The following SLC22A2 variants were observed in gnomAD, a reference collection of about 807,000 sequenced individuals.
The protein encoded by SLC22A2 is organic cation transporter 2.
In SLC22A2, 46 loss-of-function variants were observed where a neutral mutation model predicts 60.5. The ratio of observed to expected loss-of-function variants is 0.76; its 90% confidence interval spans 0.60 to 0.97. The LOEUF is 0.97. SLC22A2 is among the 50% of genes least tolerant of loss of function. SLC22A2 has a pLI of 0.00. For synonymous variants in SLC22A2, 303 were observed against 267.0 expected (o/e 1.13, Z -1.31); for missense variants, 701 against 706.6 (o/e 0.99, Z 0.09).
At position 160,217,321 on chromosome 6, in the gene SLC22A2, C is replaced by T. The variant is rs765986378; in HGVS notation, c.*111G>A. The T allele has an allele frequency of 4.6e-6, 3 of 649,234 alleles. No homozygotes were observed. Among genetic ancestry groups the T allele is most frequent in the Middle Eastern group, 5.0e-4 (2 of 3,986 alleles). The allele number at this position is 649,234 out of a possible 1,614,324, so 40.2% of individuals were successfully genotyped here. A position where few individuals can be genotyped will look rare whatever the true frequency, so the allele number is the denominator to read the frequency against. ...GCTGTAGACCTAGGTTGATAGGGCT[C>T]AGGGGTAAGTTTGGTTGAGTTGTAT... On this transcript the variant is annotated 3_prime_UTR_variant, in exon 11 of 11. Transcript: ENST00000366953.
At chr6:160,243,307 T>C (rs1258464333) in intron 7 of SLC22A2, among the ~76,000 whole-genome samples, 1 of 152,044 alleles carries the variant, frequency 6.6e-6, no homozygotes, top group East Asian at 1.9e-4. Context: ...GCCCATGCTC[T>C]CTGCTCCAGG....
At chr6:160,254,582 G>A (rs915661455) in intron 2 of SLC22A2, among the ~76,000 whole-genome samples, 11 of 152,154 alleles carry the variant, frequency 7.2e-5, no homozygotes, top group Non-Finnish European at 1.5e-4. Context: ...GGAAATTGTA[G>A]GCATTAACTA....
chr6:160,247,409 A>G, intron 4 of SLC22A2, 111 bp from the exon 5 acceptor site: 1 of 655,140 alleles, frequency 1.5e-6, no homozygotes, highest in South Asian at 1.8e-5. Context: ...GGATCTCCAA[A>G]GAAAATAACA....
intron 9 of SLC22A2, 75 bp downstream of exon 9, chr6:160,241,399 G>T: frequency 1.1e-6 from 1 of 898,870 alleles, no homozygotes; most frequent in Non-Finnish European, 1.8e-6. Flanking sequence ...CACCTGTTTT[G>T]AATGAAGTAG....
chr6:160,220,526 T>C (rs1437554294), intron 10 of SLC22A2, among the ~76,000 whole-genome samples: 1 of 152,224 alleles, frequency 6.6e-6, no homozygotes, highest in Non-Finnish European at 1.5e-5. Context: ...GCATCTACAA[T>C]GGTGAAAGAT....
intron 4 of SLC22A2, among the ~76,000 whole-genome samples, chr6:160,248,277 G>T (rs370384994): frequency 6.6e-6 from 1 of 152,218 alleles, no homozygotes; most frequent in Admixed American, 6.5e-5. Flanking sequence ...GGGCCCACAA[G>T]TGGGATGTCT....
At position 160,220,075 on chromosome 6, in the gene SLC22A2, T is replaced by C. The variant is rs77100502; in HGVS notation, c.1602-2577A>G. On this transcript the variant is annotated intron_variant, in intron 10 of 10. Transcript: ENST00000366953. ...CTTCTCTTCATGAAAGATTTCTCTA[T>C]AGCATGCAATGCTATTTCATAGCAT... Among the ~76,000 whole-genome samples the C allele has an allele frequency of 1.3e-3, 204 of 152,330 alleles. 1 individual carries two copies. The highest frequency in any genetic ancestry group is 4.6e-3 in the African/African-American group (191 of 41,584).
chr6:160,256,408 C>T (rs767522129), intron 2 of SLC22A2, among the ~76,000 whole-genome samples: 14 of 152,090 alleles, frequency 9.2e-5, no homozygotes, highest in Non-Finnish European at 1.9e-4. Context: ...CTGTCTATGA[C>T]CCCAGAGAAT....
intron 9 of SLC22A2, among the ~76,000 whole-genome samples, chr6:160,237,002 G>A (rs1782921722): frequency 6.6e-6 from 1 of 152,188 alleles, no homozygotes; most frequent in Non-Finnish European, 1.5e-5. Flanking sequence ...AAGCAAATCA[G>A]TCCTACCAAG....
intron 9 of SLC22A2, among the ~76,000 whole-genome samples, chr6:160,225,199 A>G (rs1324620942): frequency 6.6e-6 from 1 of 152,218 alleles, no homozygotes; most frequent in Admixed American, 6.5e-5. Flanking sequence ...TTTCTAGCAA[A>G]TAAAAGTAAT....
chr6:160,222,379 G>A (rs73602408), intron 10 of SLC22A2, among the ~76,000 whole-genome samples: 1,830 of 152,266 alleles, frequency 0.012, 54 homozygotes, highest in African/African-American at 0.042. Flanking sequence ...GAAATGTGAC[G>A]GCAGGGCTCA....
rs184227446 is a variant in SLC22A2 at position 160,243,781 on chromosome 6, G to A, written c.1070C>T (p.Thr357Met). The change falls in exon 7 of 11, where the codon ACG becomes ATG. Residue 357 changes from threonine to methionine, a missense_variant. Coordinates refer to ENST00000366953, the MANE Select transcript of SLC22A2 (RefSeq NM_003058.4). Reference sequence around the variant, plus strand: ...GAGGCCCTGGTAGAGCACAGAGCTCGTGAACCTGAGCAAAGAGGAGAGTTC... The same window carrying A: ...GAGGCCCTGGTAGAGCACAGAGCTCATGAACCTGAGCAAAGAGGAGAGTTC... The part of the protein sequence containing the change: ...HTMILMYNWF[T>M]SSVLYQGLIM... 36 of 1,612,088 alleles carry A rather than the reference G, an allele frequency of 2.2e-5. No homozygotes were observed. Among genetic ancestry groups the A allele is most frequent in the Admixed American group, 6.7e-5 (4 of 60,020 alleles).
intron 9 of SLC22A2, among the ~76,000 whole-genome samples, chr6:160,239,749 C>T (rs1440448661): frequency 6.6e-6 from 1 of 152,188 alleles, no homozygotes; most frequent in South Asian, 2.1e-4. Flanking sequence ...GGAGTAGCAC[C>T]AGCTACTCTG....
intron 1 of SLC22A2, among the ~76,000 whole-genome samples, 177 bp from the exon 2 acceptor site, chr6:160,256,894 C>T (rs1283131495): frequency 3.4e-5 from 5 of 146,488 alleles, no homozygotes; most frequent in African/African-American, 1.3e-4. Flanking sequence ...CTTCTTCTCT[C>T]TCTCTCTCTT....
At chr6:160,221,241 T>C (rs1260281061) in intron 10 of SLC22A2, among the ~76,000 whole-genome samples, 1 of 152,246 alleles carries the variant, frequency 6.6e-6, no homozygotes, top group Non-Finnish European at 1.5e-5. Flanking sequence ...GATGGCTTCT[T>C]TCCTTAAGCC....
chr6:160,256,619 T>G lies in SLC22A2; in HGVS notation c.513A>C (p.Ala171=), dbSNP rs745593583. 12 of 1,607,764 alleles carry G rather than the reference T, an allele frequency of 7.5e-6. No individual in the cohort carries two copies. Among genetic ancestry groups the G allele is most frequent in the Non-Finnish European group, 7.7e-6 (9 of 1,174,264 alleles). The part of the protein sequence containing the change: ...FIGSMSIGYI[A]DRFGRKLCLL... Reference sequence around the variant, plus strand: ...CCACAGGTGATTCAACCTACCTGTCTGCTATGTAGCCGATACTCATAGAGC... The same window carrying G: ...CCACAGGTGATTCAACCTACCTGTCGGCTATGTAGCCGATACTCATAGAGC... The change falls in exon 2 of 11, where the codon GCA becomes GCC. Residue 171 remains alanine (A), a synonymous_variant. Transcript: ENST00000366953.
At chr6:160,250,145 G>A (rs1342272779) in intron 3 of SLC22A2, among the ~76,000 whole-genome samples, 2 of 152,102 alleles carry the variant, frequency 1.3e-5, no homozygotes, top group Non-Finnish European at 1.5e-5. Flanking sequence ...GTAAGTTGAG[G>A]ATAATTGTAG....
At chr6:160,254,712 C>T (rs754949320) in intron 2 of SLC22A2, among the ~76,000 whole-genome samples, 3 of 152,044 alleles carry the variant, frequency 2.0e-5, no homozygotes, top group Non-Finnish European at 4.4e-5. Flanking sequence ...AAAAAGAAGT[C>T]GAGGCATGGA....
intron 9 of SLC22A2, among the ~76,000 whole-genome samples, chr6:160,227,766 T>G (rs1321633845): frequency 6.6e-6 from 1 of 152,142 alleles, no homozygotes; most frequent in African/African-American, 2.4e-5. Context: ...GCACTCTAAG[T>G]CACAGGATGA....
Sources: gnomAD v4.1 joint callset for allele counts (sites outside exome capture counted in the v4.1 genomes callset) on GRCh38, gnomAD v4.1.1 for gene constraint, MANE v1.5 for transcripts, NCBI Gene and HGNC (gene_info 2026-07-23, HGNC 2026-07-21) for gene names.